DDX4: variants seen among roughly 807,000 people sequenced by gnomAD.
The protein encoded by DDX4 is probable ATP-dependent RNA helicase DDX4.
Under a neutral mutation model 100.0 loss-of-function variants are expected in DDX4, and 25 were observed. The ratio of observed to expected loss-of-function variants is 0.25; its 90% CI spans 0.18 to 0.35. The LOEUF is 0.35. DDX4 is among the 10% of genes least tolerant of loss of function. The pLI, the probability that DDX4 is intolerant of heterozygous loss-of-function variation, is 1.00. For synonymous variants in DDX4, 259 were observed against 275.7 expected, an observed-to-expected ratio of 0.94 and a Z score of 0.60; for missense variants, 635 against 882.4, an observed-to-expected ratio of 0.72 and a Z score of 3.55.
chr5:55,785,262 C>A (rs376826102), intron 10 of DDX4, 35 bp from the exon 11 acceptor site: 9 of 1,475,332 alleles, frequency 6.1e-6, no homozygotes, highest in Non-Finnish European at 8.5e-6. Context: ...AGCCTTACAT[C>A]TTGACCGATT....
In DDX4 at chr5:55,778,770, T is replaced by C. The variant is rs574392855; in HGVS notation, c.395-1194T>C. Reference sequence around the variant, plus strand: ...TTAGCTGGGCATGTTGGTTCATGCCTGTAATCTCAGCTACTTGGGAGGCTG... The same window carrying C: ...TTAGCTGGGCATGTTGGTTCATGCCCGTAATCTCAGCTACTTGGGAGGCTG... On this transcript the variant is annotated intron_variant, in intron 7 of 21. Transcript: ENST00000505374. 1.5e-3 allele frequency among the ~76,000 whole-genome samples: 232 copies of C among 152,176 alleles called. 7 individuals carry two copies. In the South Asian group the frequency reaches 0.047, roughly 31 times the overall value.
intron 10 of DDX4, among the ~76,000 whole-genome samples, chr5:55,783,678 A>ATGGATGGATGAATGG (rs1561500781): frequency 1.5e-4 from 13 of 84,998 alleles, no homozygotes; most frequent in African/African-American, 5.1e-4. Context: ...TGGATGGATG[A>ATGGATGGATGAATGG]ATGGATGGAT....
intron 6 of DDX4, among the ~76,000 whole-genome samples, chr5:55,766,428 T>G (rs1003016046): frequency 7.3e-5 from 11 of 151,574 alleles, no homozygotes; most frequent in Admixed American, 2.0e-4. Flanking sequence ...GGTCCCAGAT[T>G]AGTAGTTTTG....
chr5:55,814,593 T>C (rs1226556345), intron 19 of DDX4, among the ~76,000 whole-genome samples: 2 of 152,040 alleles, frequency 1.3e-5, no homozygotes, highest in African/African-American at 4.8e-5. Context: ...CCGGTTCAAG[T>C]GATTCTCCTA....
chr5:55,813,796 T>A, intron 19 of DDX4, 24 bp downstream of exon 19: 1 of 1,545,288 alleles, frequency 6.5e-7, no homozygotes, highest in Non-Finnish European at 8.7e-7. Flanking sequence ...TATAATTACC[T>A]ATTAGGGGAA....
intron 6 of DDX4, 78 bp from the exon 7 acceptor site, chr5:55,767,803 T>G (rs959575020): frequency 1.0e-5 from 10 of 997,166 alleles, no homozygotes; most frequent in South Asian, 1.7e-5. Context: ...CTAATTTATC[T>G]TGTGACAGTG....
intron 17 of DDX4, among the ~76,000 whole-genome samples, chr5:55,797,819 A>T (rs563296338): frequency 6.6e-6 from 1 of 152,276 alleles, no homozygotes; most frequent in Non-Finnish European, 1.5e-5. Context: ...GGGCAGGCAC[A>T]CCTATCCTGA....
intron 10 of DDX4, among the ~76,000 whole-genome samples, chr5:55,784,435 C>A (rs1742120150): frequency 6.6e-6 from 1 of 152,188 alleles, no homozygotes; most frequent in South Asian, 2.1e-4. Flanking sequence ...CCAGTCTATT[C>A]TAAAACACCT....
At chr5:55,740,835 T>C (rs1758940268) in intron 2 of DDX4, among the ~76,000 whole-genome samples, 1 of 152,152 alleles carries the variant, frequency 6.6e-6, no homozygotes. Context: ...ACAGTAACTT[T>C]TGAATCCATC....
Position 55,754,763 on chromosome 5 carries a change from T to C in DDX4, c.128-5437T>C, listed in dbSNP as rs560882946. On this transcript the variant is annotated intron_variant, in intron 3 of 21. Coordinates refer to ENST00000505374, the MANE Select transcript of DDX4 (RefSeq NM_024415.3). ...AGAAGGAATGGTACCAGTTCCTCCT[T>C]GTACCTCTGGTAGAATTCGGCTGTG... 6.6e-5 allele frequency among the ~76,000 whole-genome samples: 10 copies of C among 151,240 alleles called. 1 individual carries two copies. In the South Asian group the frequency reaches 1.9e-3, roughly 29 times the overall value.
At position 55,798,510 on chromosome 5, in the gene DDX4, C is replaced by T. The variant is rs766204046; in HGVS notation, c.1554C>T (p.Thr518=). 40 of 1,611,388 alleles carry T rather than the reference C, an allele frequency of 2.5e-5. No homozygotes were observed. Among genetic ancestry groups the T allele is most frequent in the Middle Eastern group, 3.3e-4 (2 of 6,074 alleles). Residue 518 remains threonine (T), a synonymous_variant, in exon 18 of 22, where the codon ACC becomes ACT. Transcript: ENST00000505374. The part of the protein sequence containing the change: ...VGGACRDVQQ[T]VLQVGQFSKR... The stretch of plus-strand genomic sequence containing the variant: ...GAGCATGTAGAGATGTTCAGCAGAC[C>T]GTTCTCCAAGTTGGCCAGTTCTCAA...
Position 55,738,947 on chromosome 5 carries a change from T to G in DDX4, c.-14-3T>G, listed in dbSNP as rs113240248. On this transcript the variant is annotated splice_polypyrimidine_tract_variant and splice_region_variant and intron_variant, in intron 1 of 21. Coordinates refer to ENST00000505374, the MANE Select transcript of DDX4 (RefSeq NM_024415.3). ...ATGTGCATTTTTTTTTTTTTATGAA[T>G]AGAACTTGAAGCCACCATGGGAGAT... The G allele has an allele frequency of 1.3e-6, 2 of 1,520,492 alleles. No homozygotes were observed. The highest frequency in any genetic ancestry group is 1.8e-6 in the Non-Finnish European group (2 of 1,099,520). The allele number at this position is 1,520,492 out of a possible 1,614,324, so 94.2% of individuals were successfully genotyped here.
At chr5:55,811,067 G>C (rs1478374261) in intron 18 of DDX4, among the ~76,000 whole-genome samples, 1 of 145,108 alleles carries the variant, frequency 6.9e-6, no homozygotes, top group Non-Finnish European at 1.5e-5. Flanking sequence ...CAGAATCTCT[G>C]CTGTCTAGGC....
rs147863840 is a variant in DDX4, at chr5:55,797,085, C to T, written c.1470-1341C>T. ...TCTCAAACTCCTGGGCTCAGGTGAT[C>T]CACATGCCTTGGCCTTCCAAAGTGC... On this transcript the variant is annotated intron_variant, in intron 17 of 21. Transcript: ENST00000505374. 3.3e-3 allele frequency among the ~76,000 whole-genome samples: 497 copies of T among 152,158 alleles called. 4 individuals carry two copies. Among genetic ancestry groups the T allele is most frequent in the African/African-American group, 0.012 (484 of 41,514 alleles).
Position 55,793,023 on chromosome 5 carries a change from A to AGTGTGTGTGT in DDX4, c.1469+239_1469+248dup, listed in dbSNP as rs10551567. Among the ~76,000 whole-genome samples the AGTGTGTGTGT allele has an allele frequency of 7.3e-4, 105 of 144,758 alleles. 3 individuals carry two copies. Among genetic ancestry groups the AGTGTGTGTGT allele is most frequent in the South Asian group, 5.2e-3 (23 of 4,466 alleles). 95.0% of individuals were successfully genotyped at this position (144,758 alleles called of 152,430 possible). A position where few individuals can be genotyped will look rare whatever the true frequency, so the allele number is the denominator to read the frequency against. ...TGTTAACATCACATTTTATTTAAAA[A>AGTGTGTGTGT]GTGTGTGTGTGTGTGTGTGTGTGTG... On this transcript the variant is annotated intron_variant, in intron 17 of 21. Coordinates refer to ENST00000505374, the MANE Select transcript of DDX4 (RefSeq NM_024415.3).
intron 18 of DDX4, among the ~76,000 whole-genome samples, chr5:55,809,517 A>G (rs890594373): frequency 2.6e-5 from 4 of 152,240 alleles, no homozygotes; most frequent in Admixed American, 2.6e-4. Flanking sequence ...GAGCAGATAT[A>G]ATTTTTCATA....
chr5:55,799,397 A>C (rs1360153023), intron 18 of DDX4, among the ~76,000 whole-genome samples: 3 of 151,992 alleles, frequency 2.0e-5, no homozygotes, highest in Non-Finnish European at 2.9e-5. Flanking sequence ...ATTTTTTGAG[A>C]CGGGGCCTTG....
intron 7 of DDX4, among the ~76,000 whole-genome samples, chr5:55,774,606 G>A (rs1741451271): frequency 6.6e-6 from 1 of 152,144 alleles, no homozygotes; most frequent in African/African-American, 2.4e-5. Context: ...CCAGAGTCAT[G>A]CAGACTTTTT....
At chr5:55,807,028 T>C (rs1443441703) in intron 18 of DDX4, among the ~76,000 whole-genome samples, 2 of 152,268 alleles carry the variant, frequency 1.3e-5, no homozygotes, top group East Asian at 1.9e-4. Context: ...CATATATATT[T>C]AGGATAGTTA....
Sources: gnomAD v4.1 joint callset for allele counts (sites outside exome capture counted in the v4.1 genomes callset) on GRCh38, gnomAD v4.1.1 for gene constraint, MANE v1.5 for transcripts, NCBI Gene and HGNC (gene_info 2026-07-23, HGNC 2026-07-21) for gene names.